The following C9orf85 variants were observed in gnomAD, a reference collection of about 807,000 sequenced individuals.
C9orf85 encodes the protein chromosome 9 open reading frame 85.
In C9orf85, 16 loss-of-function variants were observed where a neutral mutation model predicts 14.9. That is an observed-to-expected ratio of 1.08 (90% CI 0.73 to 1.63). The LOEUF is 1.63. Ranked by LOEUF, C9orf85 falls within the 40% of genes most tolerant of loss-of-function variation. The pLI is 0.00. For missense variants in C9orf85, 172 were observed against 186.1 expected (o/e 0.92, Z 0.44); for synonymous variants, 45 against 56.8 (o/e 0.79, Z 0.93).
intron 2 of C9orf85, among the ~76,000 whole-genome samples, chr9:71,962,986 G>A (rs895385862): frequency 6.6e-6 from 1 of 152,144 alleles, no homozygotes; most frequent in African/African-American, 2.4e-5. Flanking sequence ...AACCCGGGAA[G>A]TGGAGGTTGC....
intron 1 of C9orf85, among the ~76,000 whole-genome samples, chr9:71,917,391 G>A (rs1342569688): frequency 6.6e-6 from 1 of 152,182 alleles, no homozygotes; most frequent in Admixed American, 6.5e-5. Context: ...CTGAGTTAAT[G>A]TGAAAGTAGA....
At chr9:71,915,875 A>G (rs1827635614) in intron 1 of C9orf85, among the ~76,000 whole-genome samples, 1 of 152,208 alleles carries the variant, frequency 6.6e-6, no homozygotes, top group African/African-American at 2.4e-5. Flanking sequence ...TTATTTAACT[A>G]CTTTCCTATT....
At chr9:71,966,592 G>A (rs576649994) in intron 2 of C9orf85, among the ~76,000 whole-genome samples, 1 of 152,238 alleles carries the variant, frequency 6.6e-6, no homozygotes, top group South Asian at 2.1e-4. Flanking sequence ...AAATTTTATT[G>A]TGTGCATACG....
intron 1 of C9orf85, among the ~76,000 whole-genome samples, chr9:71,916,436 T>A (rs374455563): frequency 1.2e-4 from 18 of 151,892 alleles, no homozygotes; most frequent in African/African-American, 4.3e-4. Flanking sequence ...CTTTTAGAGG[T>A]GGGTCGTAGT....
chr9:71,928,067 A>G (rs551370960), intron 1 of C9orf85, among the ~76,000 whole-genome samples: 3 of 152,048 alleles, frequency 2.0e-5, no homozygotes, highest in African/African-American at 7.2e-5. Context: ...CATTCCTGTG[A>G]TCCCAGCTAC....
Position 71,911,744 on chromosome 9 carries a change from C to T in C9orf85, c.10C>T (p.Gln4Ter). ...GGCTTTGATTTCGGCGATGAGCTCCCAGAAAGGCAACGTGGCTCGTTCCAG... is the reference window on the plus strand; with the variant it reads ...GGCTTTGATTTCGGCGATGAGCTCCTAGAAAGGCAACGTGGCTCGTTCCAG... The part of the protein sequence containing the change: MSS[Q>*]KGNVARSRPQ... Residue 4 changes from glutamine (Q) to a stop codon, truncating the protein, a stop_gained, in exon 1 of 4, where the codon CAG (glutamine) becomes TAG (stop). Coordinates refer to ENST00000334731, the MANE Select transcript of C9orf85 (RefSeq NM_182505.5). LOFTEE classifies it high-confidence loss of function. 6.2e-7 allele frequency: 1 copy of T among 1,614,136 alleles called. No individual in the cohort carries two copies. Among genetic ancestry groups the T allele is most frequent in the South Asian group, 1.1e-5 (1 of 91,090 alleles).
chr9:71,955,372 T>C (rs1039532505), intron 2 of C9orf85, among the ~76,000 whole-genome samples: 3 of 152,022 alleles, frequency 2.0e-5, no homozygotes, highest in African/African-American at 7.2e-5. Context: ...ATCAGGCACC[T>C]CCCAGAACCA....
intron 1 of C9orf85, among the ~76,000 whole-genome samples, chr9:71,913,141 A>G (rs1183777245): frequency 1.3e-5 from 2 of 152,194 alleles, no homozygotes; most frequent in Non-Finnish European, 2.9e-5. Context: ...AGGCGAAACT[A>G]TATGATTATG....
downstream of C9orf85, chr9:71,985,658 C>G (rs1381927574): frequency 6.6e-6 from 1 of 152,240 alleles, no homozygotes; most frequent in Non-Finnish European, 1.5e-5. Flanking sequence ...GCCTCTTCCT[C>G]CAAAGATTCT....
intron 1 of C9orf85, among the ~76,000 whole-genome samples, chr9:71,929,208 T>A (rs1383570985): frequency 6.6e-6 from 1 of 152,214 alleles, no homozygotes; most frequent in African/African-American, 2.4e-5. Context: ...CCAATTATTA[T>A]GTTTGTAAGA....
intron 3 of C9orf85, among the ~76,000 whole-genome samples, chr9:71,979,456 G>C (rs572804491): frequency 6.6e-6 from 1 of 152,096 alleles, no homozygotes; most frequent in Admixed American, 6.6e-5. Context: ...TTTTGTGGGC[G>C]TAGGAAGCAG....
rs1589243942 is a variant in C9orf85 at position 71,918,368 on chromosome 9, A to T, written c.102+6532A>T. 2.8e-6 allele frequency: 3 copies of T among 1,062,374 alleles called. No individual in the cohort carries two copies. In the East Asian group the frequency reaches 1.8e-4, roughly 65 times the overall value. The allele number at this position is 1,062,374 out of a possible 1,614,324, so 65.8% of individuals were successfully genotyped here. ...CATTCTAACAGATATTGAATATCTC[A>T]GCTAACCACAAGTCACAATAATTCT... On this transcript the variant is annotated intron_variant, in intron 1 of 3. Coordinates refer to ENST00000334731, the MANE Select transcript of C9orf85 (RefSeq NM_182505.5).
intron 1 of C9orf85, among the ~76,000 whole-genome samples, chr9:71,937,445 T>G (rs944685115): frequency 1.3e-5 from 2 of 151,540 alleles, no homozygotes; most frequent in African/African-American, 4.8e-5. Context: ...TGATCAGAAC[T>G]CATTTTATAT....
At chr9:71,957,311 G>T (rs553605321) in intron 2 of C9orf85, among the ~76,000 whole-genome samples, 1 of 152,256 alleles carries the variant, frequency 6.6e-6, no homozygotes, top group East Asian at 1.9e-4. Context: ...ACATTTTAAA[G>T]ATTTATTGGC....
chr9:71,913,682 A>G (rs1016469036), intron 1 of C9orf85, among the ~76,000 whole-genome samples: 1 of 152,198 alleles, frequency 6.6e-6, no homozygotes, highest in Non-Finnish European at 1.5e-5. Context: ...GTTGTGCACA[A>G]ACATTTGCTT....
intron 2 of C9orf85, among the ~76,000 whole-genome samples, chr9:71,964,539 C>G (rs986051427): frequency 1.3e-5 from 2 of 152,004 alleles, no homozygotes; most frequent in African/African-American, 4.8e-5. Flanking sequence ...GTAACGCTCA[C>G]CGTGAAGGTC....
chr9:71,957,025 T>C (rs781109187), intron 2 of C9orf85, among the ~76,000 whole-genome samples: 5 of 152,104 alleles, frequency 3.3e-5, no homozygotes, highest in African/African-American at 7.2e-5. Flanking sequence ...TTTCACCATG[T>C]TGGCCAGGCT....
At chr9:71,960,584 GT>G (rs1234446571) in intron 2 of C9orf85, among the ~76,000 whole-genome samples, 1 of 152,040 alleles carries the variant, frequency 6.6e-6, no homozygotes, top group Non-Finnish European at 1.5e-5. Flanking sequence ...GTCTGTTTTT[GT>G]TTTTTGAGAC....
chr9:71,956,242 G>GTTTTTTTTTTTTTTTTTTTTTTT (rs60432625), intron 2 of C9orf85, among the ~76,000 whole-genome samples: 1 of 51,012 alleles, frequency 2.0e-5, no homozygotes, highest in Non-Finnish European at 3.7e-5. Flanking sequence ...GAATGCAAAA[G>GTTTTTTTTTTTTTTTTTTTTTTT]TTTTTTTTTT....
Sources: allele counts gnomAD v4.1 joint callset (sites outside exome capture counted in the v4.1 genomes callset), GRCh38; gene constraint gnomAD v4.1.1; transcripts MANE v1.5; gene names NCBI Gene and HGNC (gene_info 2026-07-23, HGNC 2026-07-21).